NARS2: variants seen among roughly 807,000 people sequenced by gnomAD.
The protein encoded by NARS2 is asparaginyl-tRNA synthetase.
Under a neutral mutation model 62.9 loss-of-function variants are expected in NARS2, and 60 were observed. The ratio of observed to expected loss-of-function variants is 0.95; its 90% CI spans 0.77 to 1.18. The LOEUF is 1.18. NARS2 is among the 50% of genes most tolerant of loss of function. NARS2 has a pLI of 0.00. For missense variants in NARS2, 619 were observed against 576.4 expected, an observed-to-expected ratio of 1.07 and a Z score of -0.76; for synonymous variants, 196 against 200.0, an observed-to-expected ratio of 0.98 and a Z score of 0.17.
chr11:78,512,015 G>A (rs1252093799), intron 6 of NARS2, among the ~76,000 whole-genome samples: 1 of 152,154 alleles, frequency 6.6e-6, no homozygotes, highest in East Asian at 1.9e-4. Context: ...CCCAGAAGGG[G>A]CACAACAACA....
chr11:78,500,006 C>T (rs957300761), intron 6 of NARS2, among the ~76,000 whole-genome samples: 3 of 152,182 alleles, frequency 2.0e-5, no homozygotes, highest in African/African-American at 4.8e-5. Flanking sequence ...AAGAGAACAA[C>T]ATGTAAGTAC....
chr11:78,466,020 T>C lies in NARS2; in HGVS notation c.1027-7A>G. 2.5e-6 allele frequency: 4 copies of C among 1,579,000 alleles called. No homozygotes were observed. Among genetic ancestry groups the C allele is most frequent in the East Asian group, 4.5e-5 (2 of 44,346 alleles). On this transcript the variant is annotated splice_region_variant and splice_polypyrimidine_tract_variant and intron_variant, in intron 10 of 13. Transcript: ENST00000281038. ...TCCGTAGGTCAGCACCCCACTGTAA[T>C]GAGAAGAAAGAAATGACCAAAAGAG...
chr11:78,522,206 C>T (rs1861155715), intron 6 of NARS2, among the ~76,000 whole-genome samples: 1 of 151,510 alleles, frequency 6.6e-6, no homozygotes, highest in Non-Finnish European at 1.5e-5. Context: ...GATCCTTCCA[C>T]CTCAGCCTCC....
At chr11:78,564,880 A>G (rs1856690619) in intron 4 of NARS2, among the ~76,000 whole-genome samples, 1 of 152,222 alleles carries the variant, frequency 6.6e-6, no homozygotes, top group East Asian at 1.9e-4. Flanking sequence ...TCTTTGACCA[A>G]AAGTGAATCT....
At chr11:78,534,726 C>A (rs1242421023) in intron 5 of NARS2, among the ~76,000 whole-genome samples, 1 of 152,148 alleles carries the variant, frequency 6.6e-6, no homozygotes, top group Non-Finnish European at 1.5e-5. Context: ...CTGCATCTAG[C>A]CTATTACCTG....
At chr11:78,500,731 A>G (rs1173032575) in intron 6 of NARS2, among the ~76,000 whole-genome samples, 1 of 152,136 alleles carries the variant, frequency 6.6e-6, no homozygotes, top group Admixed American at 6.6e-5. Context: ...AATTTGGTTT[A>G]TCTAGGTTGT....
chr11:78,537,192 A>G (rs1855388567), intron 5 of NARS2, among the ~76,000 whole-genome samples: 1 of 152,200 alleles, frequency 6.6e-6, no homozygotes, highest in Non-Finnish European at 1.5e-5. Context: ...ATGACCATAT[A>G]TGGATGGAGA....
chr11:78,542,981 G>C (rs1855685263), intron 5 of NARS2, among the ~76,000 whole-genome samples: 1 of 152,220 alleles, frequency 6.6e-6, no homozygotes, highest in Non-Finnish European at 1.5e-5. Context: ...AACTGGAACA[G>C]AAGGGCTTGG....
At position 78,478,675 on chromosome 11, in the gene NARS2, C is replaced by T; in HGVS notation, c.831G>A (p.Glu277=). ...TCATTGTTGTAGCCTTGAACAGTTC[C>T]TCTATAACCTAAGAGAAATGAAATA... The part of the protein sequence containing the change: ...DSLQDLMQVI[E]ELFKATTMMV... The change falls in exon 8 of 14, where the codon GAG becomes GAA. Residue 277 remains glutamate, a synonymous_variant. Transcript: ENST00000281038. The T allele has an allele frequency of 6.2e-7, 1 of 1,601,642 alleles. No individual in the cohort carries two copies. Among genetic ancestry groups the T allele is most frequent in the Non-Finnish European group, 8.5e-7 (1 of 1,172,040 alleles).
At chr11:78,511,971 T>C (rs563596003) in intron 6 of NARS2, among the ~76,000 whole-genome samples, 133 of 152,308 alleles carry the variant, frequency 8.7e-4, no homozygotes, top group African/African-American at 3.0e-3. Context: ...GTTCCAACTA[T>C]TGTATAAAAG....
intron 6 of NARS2, among the ~76,000 whole-genome samples, chr11:78,495,502 CTAAGT>C (rs1346760951): frequency 6.6e-6 from 1 of 152,108 alleles, no homozygotes; most frequent in Non-Finnish European, 1.5e-5. Flanking sequence ...ATGTAACTAT[CTAAGT>C]TATTTTTCTC....
chr11:78,552,795 T>A (rs2135496279), intron 5 of NARS2, among the ~76,000 whole-genome samples: 1 of 152,314 alleles, frequency 6.6e-6, no homozygotes. Flanking sequence ...AAAACCAAGC[T>A]GCACTCGGAC....
At chr11:78,545,922 T>TC (rs1855857423) in intron 5 of NARS2, among the ~76,000 whole-genome samples, 1 of 152,170 alleles carries the variant, frequency 6.6e-6, no homozygotes, top group African/African-American at 2.4e-5. Context: ...CTAACCTTTT[T>TC]CCCAATTTAT....
chr11:78,498,985 C>T lies in NARS2; in HGVS notation c.690-5790G>A, dbSNP rs1590780352. 4.7e-5 allele frequency among the ~76,000 whole-genome samples: 6 copies of T among 127,036 alleles called. 1 individual carries two copies. The South Asian group carries it at 1.4e-3, about 30-fold the overall frequency. 83.3% of individuals were successfully genotyped at this position (127,036 alleles called of 152,430 possible). On this transcript the variant is annotated intron_variant, in intron 6 of 13. Coordinates refer to ENST00000281038, the MANE Select transcript of NARS2 (RefSeq NM_024678.6). ...TCGGCTCACTGCAGTGGCACGATCT[C>T]GGCTCACTGCAAGCTCCACTACCCA...
chr11:78,565,451 T>G (rs767093390), intron 4 of NARS2, among the ~76,000 whole-genome samples: 1 of 152,168 alleles, frequency 6.6e-6, no homozygotes, highest in Non-Finnish European at 1.5e-5. Context: ...CCCCTACCAG[T>G]AGACCAGCTT....
intron 6 of NARS2, among the ~76,000 whole-genome samples, chr11:78,503,470 T>G (rs1860363870): frequency 6.6e-6 from 1 of 152,140 alleles, no homozygotes; most frequent in African/African-American, 2.4e-5. Flanking sequence ...ACTCCTGACC[T>G]CAGGTGATCC....
intron 7 of NARS2, among the ~76,000 whole-genome samples, chr11:78,482,424 C>G (rs956655337): frequency 6.6e-6 from 1 of 151,614 alleles, no homozygotes; most frequent in African/African-American, 2.4e-5. Context: ...AATAGAGACA[C>G]AAAAAACCCT....
At chr11:78,453,411 T>G (rs1016403718) in intron 11 of NARS2, among the ~76,000 whole-genome samples, 1 of 152,102 alleles carries the variant, frequency 6.6e-6, no homozygotes, top group African/African-American at 2.4e-5. Flanking sequence ...TTCTGACTCT[T>G]TGATTCCAAT....
Position 78,478,467 on chromosome 11 carries a change from TA to T in NARS2, c.929del (p.Leu310Ter). 8.8e-7 allele frequency: 1 copy of T among 1,140,752 alleles called. No individual in the cohort carries two copies. The allele number at this position is 1,140,752 out of a possible 1,614,324, so 70.7% of individuals were successfully genotyped here. On this transcript the variant is annotated frameshift_variant, in exon 9 of 14. Transcript: ENST00000281038. LOFTEE classifies it high-confidence loss of function. ...KFIAPGQKDR[L>X]EHMLKNNFLI... ...AAAAGTTGTTTTTTAGCATATGTTC[TA>T]ATCTGTCCTTAATAAAAAGACAAAA...
Sources: gnomAD v4.1 joint callset for allele counts (sites outside exome capture counted in the v4.1 genomes callset) on GRCh38, gnomAD v4.1.1 for gene constraint, MANE v1.5 for transcripts, NCBI Gene and HGNC (gene_info 2026-07-23, HGNC 2026-07-21) for gene names.